Variants in RANBP17 observed in about 807,000 individuals in gnomAD.
The protein encoded by RANBP17 is ran-binding protein 17.
Under a neutral mutation model 141.2 loss-of-function variants are expected in RANBP17, and 158 were observed. The observed-to-expected ratio is 1.12, with a 90% CI of 0.98 to 1.28. The LOEUF is 1.28. Ranked by LOEUF, RANBP17 falls within the 50% of genes most tolerant of loss-of-function variation. The probability of loss-of-function intolerance (pLI) is 0.00; values close to 1 mark genes in which losing one functional copy is unlikely to be tolerated. For missense variants in RANBP17, 1,438 were observed against 1,290.7 expected (o/e 1.11, Z -1.75); for synonymous variants, 430 against 450.0 (o/e 0.96, Z 0.56).
chr5:170,886,110 A>G (rs976956434), intron 3 of RANBP17, among the ~76,000 whole-genome samples: 4 of 152,108 alleles, frequency 2.6e-5, no homozygotes, highest in African/African-American at 7.2e-5. Context: ...CATAGTGTTG[A>G]CAATCCTTTT....
At chr5:171,031,818 G>A (rs146833082) in intron 14 of RANBP17, among the ~76,000 whole-genome samples, 6 of 152,024 alleles carry the variant, frequency 3.9e-5, no homozygotes, top group East Asian at 1.9e-4. Flanking sequence ...TCATAAAAAC[G>A]TATATCCTAC....
intron 18 of RANBP17, among the ~76,000 whole-genome samples, chr5:171,187,376 A>G (rs558693591): frequency 2.6e-4 from 39 of 152,292 alleles, no homozygotes; most frequent in African/African-American, 7.0e-4. Flanking sequence ...AAGTAGGTTC[A>G]TGATGTTGGC....
At chr5:170,990,939 A>T (rs1364820102) in intron 14 of RANBP17, among the ~76,000 whole-genome samples, 1 of 151,942 alleles carries the variant, frequency 6.6e-6, no homozygotes, top group Non-Finnish European at 1.5e-5. Flanking sequence ...TAGGAATTTG[A>T]AAAGGAATAG....
chr5:171,277,647 A>ATATATATATATATT lies in RANBP17; in HGVS notation c.2943+11813_2943+11814insTTATATATATATAT, dbSNP rs1561823459. ...TATACATATATGTATGTATATATAT[A>ATATATATATATATT]TATATATATATATATATATATTTAT... is the stretch of plus-strand genomic sequence containing the variant. On this transcript the variant is annotated intron_variant, in intron 25 of 27. Transcript: ENST00000523189. Among the ~76,000 whole-genome samples the ATATATATATATATT allele has an allele frequency of 1.7e-3, 162 of 98,070 alleles. 6 individuals are homozygous for ATATATATATATATT. The highest frequency in any genetic ancestry group is 4.9e-3 in the African/African-American group (150 of 30,744). 64.3% of individuals were successfully genotyped at this position (98,070 alleles called of 152,430 possible). A position where few individuals can be genotyped will look rare whatever the true frequency, so the allele number is the denominator to read the frequency against.
rs771320026 is a variant in RANBP17 at position 171,240,944 on chromosome 5, C to G, written c.2439C>G (p.Ser813=). 5 of 1,612,532 alleles carry G rather than the reference C, an allele frequency of 3.1e-6. No homozygotes were observed. The highest frequency in any genetic ancestry group is 4.2e-6 in the Non-Finnish European group (5 of 1,178,934). The change falls in exon 23 of 28, where the codon TCC becomes TCG. Residue 813 remains serine, a synonymous_variant. Coordinates refer to ENST00000523189, the MANE Select transcript of RANBP17 (RefSeq NM_022897.5). ...MVCTYGNQIL[S]LGSLSKDQIY... Reference sequence around the variant, plus strand: ...CTGAAACAGGTAATCAGATCCTGTCCCTTGGGAGCCTCTCAAAAGATCAGA... The same window carrying G: ...CTGAAACAGGTAATCAGATCCTGTCGCTTGGGAGCCTCTCAAAAGATCAGA...
chr5:171,177,167 C>T (rs1428133552), intron 16 of RANBP17, among the ~76,000 whole-genome samples: 2 of 152,066 alleles, frequency 1.3e-5, no homozygotes, highest in Admixed American at 1.3e-4. Flanking sequence ...TCATTGTTTT[C>T]TGTCTTTATC....
At chr5:171,084,096 T>A (rs1268779745) in intron 14 of RANBP17, among the ~76,000 whole-genome samples, 1 of 144,970 alleles carries the variant, frequency 6.9e-6, no homozygotes, top group Non-Finnish European at 1.5e-5. Context: ...TATCTCCCAA[T>A]GCTATCCCTC....
Position 171,203,909 on chromosome 5 carries a change from G to T in RANBP17, c.2143-1615G>T, listed in dbSNP as rs1762435857. On this transcript the variant is annotated intron_variant, in intron 19 of 27. Coordinates refer to ENST00000523189, the MANE Select transcript of RANBP17 (RefSeq NM_022897.5). ...AAAAGCCTACTTTAATAGAAACACT[G>T]CAAAGCCAAGGAGTCAGAATAGAAT... Among the ~76,000 whole-genome samples, 3 of 152,130 alleles carry T rather than the reference G, an allele frequency of 2.0e-5. No homozygotes were observed. In the South Asian group the frequency reaches 6.2e-4, roughly 32 times the overall value.
At chr5:171,103,782 C>T (rs1257854244) in intron 14 of RANBP17, among the ~76,000 whole-genome samples, 1 of 152,174 alleles carries the variant, frequency 6.6e-6, no homozygotes, top group African/African-American at 2.4e-5. Context: ...ACTGGAAAAT[C>T]GTAGTATCTG....
intron 1 of RANBP17, among the ~76,000 whole-genome samples, chr5:170,870,435 G>A (rs765885841): frequency 4.2e-4 from 64 of 151,146 alleles, no homozygotes; most frequent in Non-Finnish European, 8.5e-4. Flanking sequence ...TGTCTTCATT[G>A]TTTGGCTTCC....
intron 14 of RANBP17, among the ~76,000 whole-genome samples, chr5:171,097,607 TTTTA>T (rs1287618632): frequency 1.4e-5 from 2 of 139,822 alleles, no homozygotes; most frequent in East Asian, 2.0e-4. Flanking sequence ...TATGTAGTCT[TTTTA>T]TTATTATTAT....
Position 170,944,658 on chromosome 5 carries a change from A to G in RANBP17, c.1469-8939A>G, listed in dbSNP as rs547043909. 6.6e-5 allele frequency among the ~76,000 whole-genome samples: 10 copies of G among 152,364 alleles called. No individual in the cohort carries two copies. In the South Asian group the frequency reaches 1.9e-3, roughly 28 times the overall value. ...GCTCGATTTTTAAGGTTTAAGAAAT[A>G]TCTTCTTTTCATTTCTCATACAATA... On this transcript the variant is annotated intron_variant, in intron 12 of 27. Coordinates refer to ENST00000523189, the MANE Select transcript of RANBP17 (RefSeq NM_022897.5).
intron 4 of RANBP17, among the ~76,000 whole-genome samples, chr5:170,894,506 A>ATATATATATG (rs1180387299): frequency 4.9e-4 from 73 of 147,778 alleles, no homozygotes; most frequent in African/African-American, 1.8e-3. Flanking sequence ...ATATATATAT[A>ATATATATATG]TGGCTTGACC....
At chr5:171,097,624 T>C (rs1786791372) in intron 14 of RANBP17, among the ~76,000 whole-genome samples, 1 of 146,648 alleles carries the variant, frequency 6.8e-6, no homozygotes, top group African/African-American at 2.5e-5. Flanking sequence ...ATTATTATTA[T>C]TATTATTATT....
intron 24 of RANBP17, among the ~76,000 whole-genome samples, chr5:171,248,366 C>CAAAA (rs1217728868): frequency 1.7e-5 from 1 of 60,388 alleles, no homozygotes; most frequent in African/African-American, 6.4e-5. Context: ...GACTCCATCT[C>CAAAA]AAAAAAAAAA....
chr5:170,951,486 A>G (rs1775208658), intron 12 of RANBP17, among the ~76,000 whole-genome samples: 1 of 152,174 alleles, frequency 6.6e-6, no homozygotes, highest in African/African-American at 2.4e-5. Context: ...GAAAGGAGAT[A>G]GTCACAACAC....
chr5:171,233,451 T>A (rs1764329627), intron 22 of RANBP17, among the ~76,000 whole-genome samples: 1 of 151,630 alleles, frequency 6.6e-6, no homozygotes, highest in African/African-American at 2.4e-5. Flanking sequence ...ACATGCACAC[T>A]GATACTTATA....
At chr5:171,244,920 T>C (rs914669004) in intron 24 of RANBP17, among the ~76,000 whole-genome samples, 6 of 152,180 alleles carry the variant, frequency 3.9e-5, no homozygotes, top group Admixed American at 3.9e-4. Context: ...GGTCAGGAGA[T>C]TGAGACCATC....
At chr5:171,108,919 C>G (rs979193417) in intron 14 of RANBP17, among the ~76,000 whole-genome samples, 2 of 152,054 alleles carry the variant, frequency 1.3e-5, no homozygotes, top group African/African-American at 4.8e-5. Flanking sequence ...TATTAAAAAA[C>G]AAAAACAATA....
Sources: gnomAD v4.1 joint callset for allele counts (sites outside exome capture counted in the v4.1 genomes callset) on GRCh38, gnomAD v4.1.1 for gene constraint, MANE v1.5 for transcripts, NCBI Gene and HGNC (gene_info 2026-07-23, HGNC 2026-07-21) for gene names.